The following PCNT variants were observed in gnomAD, a reference collection of about 807,000 sequenced individuals.
PCNT encodes pericentrin.
In PCNT, 319 loss-of-function variants were observed where a neutral mutation model predicts 380.4. That is an observed-to-expected ratio of 0.84 (90% confidence interval 0.77 to 0.92). PCNT has a LOEUF of 0.92. Among genes scored for constraint, PCNT ranks in the 40% least tolerant of loss-of-function variants. PCNT has a pLI of 0.00. For synonymous variants in PCNT, 1,845 were observed against 1,735.2 expected, an observed-to-expected ratio of 1.06 and a Z score of -1.57; for missense variants, 4,400 against 4,255.3, an observed-to-expected ratio of 1.03 and a Z score of -0.95.
chr21:46,408,019 C>T (rs1885771525), intron 27 of PCNT, among the ~76,000 whole-genome samples: 1 of 152,058 alleles, frequency 6.6e-6, no homozygotes, highest in African/African-American at 2.4e-5. Context: ...TTTTAGACTT[C>T]GTGCATAGTA....
chr21:46,396,369 C>T (rs1436403311), intron 21 of PCNT, among the ~76,000 whole-genome samples: 2 of 152,206 alleles, frequency 1.3e-5, no homozygotes, highest in South Asian at 2.1e-4. Flanking sequence ...CAGAGCCTTG[C>T]ACACTGTATC....
Position 46,349,121 on chromosome 21 carries a change from A to C in PCNT, c.1142A>C (p.Gln381Pro). 6.2e-7 allele frequency: 1 copy of C among 1,613,580 alleles called. No homozygotes were observed. The highest frequency in any genetic ancestry group is 8.5e-7 in the Non-Finnish European group (1 of 1,179,450). ...ATGGAGGATTTACAAAACCAGTTTC[A>C]GAAAGAATTGGCAGAACAGAGAGCT... The part of the protein sequence containing the change: ...SEMEDLQNQF[Q>P]KELAEQRAEL... Residue 381 changes from glutamine (Q) to proline (P), a missense_variant, in exon 7 of 47, where the codon CAG becomes CCG. Coordinates refer to ENST00000359568, the MANE Select transcript of PCNT (RefSeq NM_006031.6).
chr21:46,335,937 T>C (rs1248853477), intron 3 of PCNT, among the ~76,000 whole-genome samples: 3 of 152,106 alleles, frequency 2.0e-5, no homozygotes, highest in African/African-American at 7.2e-5. Flanking sequence ...CTCAGCCTCC[T>C]GAAGTGTTGG....
chr21:46,352,833 C>T (rs963131790), intron 9 of PCNT, among the ~76,000 whole-genome samples: 1 of 152,148 alleles, frequency 6.6e-6, no homozygotes, highest in Non-Finnish European at 1.5e-5. Context: ...CATCGTCTGT[C>T]TCCTTGCTGG....
Position 46,435,980 on chromosome 21 carries a change from CGAA to C in PCNT, c.8830_8832del (p.Lys2944del), listed in dbSNP as rs562568796. 3.9e-4 allele frequency: 634 copies of C among 1,614,190 alleles called. 5 individuals are homozygous for C. The East Asian group carries it at 0.014, about 35-fold the overall frequency. On this transcript the variant is annotated inframe_deletion, in exon 39 of 47. Coordinates refer to ENST00000359568, the MANE Select transcript of PCNT (RefSeq NM_006031.6). ...CAGCAGACAGTGAGAGACCTGGAGT[CGAA>C]GGACGAGGTGCCTGGCAGCCGCCTC...
intron 41 of PCNT, among the ~76,000 whole-genome samples, chr21:46,439,082 T>C (rs2053539812): frequency 6.6e-6 from 1 of 152,226 alleles, no homozygotes. Flanking sequence ...GCTTTATTTT[T>C]TATAACTTTT....
At position 46,441,079 on chromosome 21, in the gene PCNT, A is replaced by G. The variant is rs372895276; in HGVS notation, c.9618A>G (p.Ile3206Met). The G allele has an allele frequency of 1.0e-4, 167 of 1,594,334 alleles. No individual in the cohort carries two copies. The highest frequency in any genetic ancestry group is 1.4e-4 in the Non-Finnish European group (162 of 1,161,940). ...CGGCCGTCAGGGTGGTCATTGCAAT[A>G]TTAAGGTAAATGCCATGACGTTCAG... ...FRTAVRVVIAILRLRFLVKKW... is the reference protein window; with the variant it reads ...FRTAVRVVIAMLRLRFLVKKW... The change falls in exon 43 of 47, where the codon ATA (isoleucine) becomes ATG (methionine). Residue 3206 changes from isoleucine (I) to methionine (M), a missense_variant. Ile to Met is a conservative substitution (Grantham distance 10, BLOSUM62 1). Coordinates refer to ENST00000359568, the MANE Select transcript of PCNT (RefSeq NM_006031.6).
At chr21:46,417,583 G>A (rs372671169) in intron 30 of PCNT, among the ~76,000 whole-genome samples, 3 of 152,170 alleles carry the variant, frequency 2.0e-5, no homozygotes, top group South Asian at 2.1e-4. Flanking sequence ...AATCATTTTG[G>A]GATTTTGTGT....
Position 46,388,622 on chromosome 21 carries a change from T to C in PCNT, c.3465-120T>C. On this transcript the variant is annotated intron_variant, in intron 17 of 46. Transcript: ENST00000359568. The surrounding 1 kb of genome is among the most constrained non-coding windows in gnomAD (Gnocchi z 4.2). ...ATGAGGATCATGTCTTCCGGCCCCG[T>C]GGGGACAGGCAGCCGTGGGCCGAGG... 3.1e-6 allele frequency: 4 copies of C among 1,277,040 alleles called. No individual in the cohort carries two copies. In the Admixed American group the frequency reaches 6.8e-5, roughly 22 times the overall value. 79.1% of individuals were successfully genotyped at this position (1,277,040 alleles called of 1,614,324 possible). A position where few individuals can be genotyped will look rare whatever the true frequency, so the allele number is the denominator to read the frequency against.
At chr21:46,428,830 G>A (rs996438183) in intron 35 of PCNT, among the ~76,000 whole-genome samples, 6 of 152,194 alleles carry the variant, frequency 3.9e-5, no homozygotes, top group Admixed American at 1.3e-4. Context: ...AGGGGCCTGG[G>A]TTGGGCTCTG....
rs760977293 is a variant in PCNT at position 46,326,543 on chromosome 21, C to T, written c.221C>T (p.Ser74Leu). Residue 74 changes from serine to leucine, a missense_variant, in exon 2 of 47, where the codon TCA (serine) becomes TTA (leucine). By Grantham distance (145) the Ser-to-Leu change is moderately radical (BLOSUM62 -2). Coordinates refer to ENST00000359568, the MANE Select transcript of PCNT (RefSeq NM_006031.6). ...GGAGGGGACATTTGCAAAAGCACATCATGTGACGACACCCCTGATGGGGCA... is the reference window on the plus strand; with the variant it reads ...GGAGGGGACATTTGCAAAAGCACATTATGTGACGACACCCCTGATGGGGCA... ...CGGGDICKST[S>L]CDDTPDGAGG... 6 of 1,614,044 alleles carry T rather than the reference C, an allele frequency of 3.7e-6. No homozygotes were observed. Among genetic ancestry groups the T allele is most frequent in the Admixed American group, 1.7e-5 (1 of 59,994 alleles).
chr21:46,390,991 C>T (rs550079571), intron 20 of PCNT, among the ~76,000 whole-genome samples, 159 bp downstream of exon 20: 1 of 152,158 alleles, frequency 6.6e-6, no homozygotes, highest in Non-Finnish European at 1.5e-5. Context: ...ATGGGGTGGT[C>T]GGGAGCTGCT....
At position 46,444,750 on chromosome 21, in the gene PCNT, C is replaced by G. The variant is rs1163429631; in HGVS notation, c.9896C>G (p.Pro3299Arg). ...AGATCCCTGACTGCTTCTCAAGATC[C>G]AGAACATTCCTTGACAGAGTATATT... ...LERSLTASQD[P>R]EHSLTEYIHH... Residue 3299 changes from proline (P) to arginine (R), a missense_variant, in exon 46 of 47, where the codon CCA (proline) becomes CGA (arginine). Coordinates refer to ENST00000359568, the MANE Select transcript of PCNT (RefSeq NM_006031.6). The G allele has an allele frequency of 6.2e-7, 1 of 1,612,814 alleles. No homozygotes were observed.
intron 15 of PCNT, among the ~76,000 whole-genome samples, chr21:46,371,975 TAC>T (rs1017185514): frequency 2.2e-5 from 3 of 134,952 alleles, no homozygotes; most frequent in African/African-American, 5.8e-5. Context: ...ACATAGCACA[TAC>T]ACACATGCAG....
chr21:46,368,107 A>G (rs1251651560), intron 15 of PCNT, among the ~76,000 whole-genome samples: 3 of 152,134 alleles, frequency 2.0e-5, no homozygotes, highest in African/African-American at 7.2e-5. Context: ...GGGTGAGCTA[A>G]GACTGTGCCA....
chr21:46,382,619 C>T (rs139756469), intron 16 of PCNT, among the ~76,000 whole-genome samples: 42,928 of 131,768 alleles, frequency 0.33, 8,263 homozygotes, highest in East Asian at 0.48. Context: ...CATTCAGTGG[C>T]GGAAGCGCAT....
chr21:46,396,343 A>C (rs901106641), intron 21 of PCNT, among the ~76,000 whole-genome samples: 1 of 152,214 alleles, frequency 6.6e-6, no homozygotes, highest in African/African-American at 2.4e-5. Context: ...TGAGGTACCC[A>C]TCTCTGCTTC....
intron 12 of PCNT, among the ~76,000 whole-genome samples, chr21:46,356,360 G>C (rs947131044): frequency 6.6e-6 from 1 of 152,240 alleles, no homozygotes; most frequent in Admixed American, 6.5e-5. Flanking sequence ...GCCTGCATCT[G>C]GTCCTCACTC....
At chr21:46,383,495 G>A (rs558821096) in intron 16 of PCNT, among the ~76,000 whole-genome samples, 76 of 141,246 alleles carry the variant, frequency 5.4e-4, no homozygotes, top group African/African-American at 1.2e-3. Flanking sequence ...ATTCAGTGGC[G>A]GAAGCGCATT....
Sources: allele counts gnomAD v4.1 joint callset (sites outside exome capture counted in the v4.1 genomes callset), GRCh38; gene constraint gnomAD v4.1.1; non-coding constraint Gnocchi (gnomAD v3.1); transcripts MANE v1.5; gene names NCBI Gene and HGNC (gene_info 2026-07-23, HGNC 2026-07-21).